CACNA1G: variants seen among roughly 807,000 people sequenced by gnomAD.
CACNA1G encodes calcium voltage-gated channel subunit alpha1 G.
CACNA1G carries 67 observed loss-of-function variants against 219.4 expected under a neutral mutation model. The observed-to-expected ratio is 0.31, with a 90% confidence interval of 0.25 to 0.37. The LOEUF (loss-of-function observed/expected upper bound fraction) is 0.37, where lower values mean the gene tolerates loss of function less well. Ranked by LOEUF, CACNA1G falls within the 10% of genes least tolerant of loss-of-function variation. CACNA1G has a pLI of 1.00. For synonymous variants in CACNA1G, 1,296 were observed against 1,345.3 expected (o/e 0.96, Z 0.80); for missense variants, 2,380 against 3,231.4 (o/e 0.74, Z 6.39).
intron 1 of CACNA1G, among the ~76,000 whole-genome samples, chr17:50,564,585 C>T (rs976696034): frequency 3.4e-4 from 51 of 151,664 alleles, no homozygotes; most frequent in Non-Finnish European, 6.3e-4. Flanking sequence ...AGTGACTGTG[C>T]GTCACTCTGT....
At chr17:50,579,392 C>A (rs2145033114) in intron 9 of CACNA1G, among the ~76,000 whole-genome samples, 1 of 152,178 alleles carries the variant, frequency 6.6e-6, no homozygotes, top group Admixed American at 6.5e-5. Flanking sequence ...GAAAGGGTAG[C>A]CTGGGGGACC....
intron 10 of CACNA1G, 49 bp downstream of exon 10, chr17:50,590,671 G>A: frequency 1.3e-6 from 2 of 1,580,408 alleles, no homozygotes; most frequent in Non-Finnish European, 1.7e-6. Context: ...TGGTAGCAGG[G>A]GTGGCTTGGG....
rs35688516 is a variant in CACNA1G at position 50,623,091 on chromosome 17, C to CTTTTT, written c.6061-798_6061-794dup. On this transcript the variant is annotated intron_variant, in intron 35 of 37. Coordinates refer to ENST00000359106, the MANE Select transcript of CACNA1G (RefSeq NM_018896.5). ...ACAGGGTCGTAGGGGCTGCTGTTGG[C>CTTTTT]TTTTTTTTTTTTTTTTTTTTTTGAG... is the stretch of plus-strand genomic sequence containing the variant. Among the ~76,000 whole-genome samples the CTTTTT allele has an allele frequency of 1.6e-3, 124 of 79,420 alleles. 4 individuals are homozygous for CTTTTT. Among genetic ancestry groups the CTTTTT allele is most frequent in the African/African-American group, 4.7e-3 (80 of 17,136 alleles). The allele number at this position is 79,420 out of a possible 152,430, so 52.1% of individuals were successfully genotyped here.
At chr17:50,592,599 C>T (rs772022076) in intron 13 of CACNA1G, among the ~76,000 whole-genome samples, 1 of 152,192 alleles carries the variant, frequency 6.6e-6, no homozygotes, top group Non-Finnish European at 1.5e-5. Flanking sequence ...CAGAGATGAG[C>T]GTCCTATTTC....
At position 50,599,409 on chromosome 17, in the gene CACNA1G, C is replaced by G; in HGVS notation, c.3259-19C>G. 1 of 1,522,388 alleles carries G rather than the reference C, an allele frequency of 6.6e-7. No individual in the cohort carries two copies. Among genetic ancestry groups the G allele is most frequent in the Non-Finnish European group, 8.8e-7 (1 of 1,135,142 alleles). The allele number at this position is 1,522,388 out of a possible 1,614,324, so 94.3% of individuals were successfully genotyped here. ...TGCTGGGCCCTGCCTGAGACCACTCCTCCCCTGCTCACCCACAGCCCAGCG... is the reference window on the plus strand; with the variant it reads ...TGCTGGGCCCTGCCTGAGACCACTCGTCCCCTGCTCACCCACAGCCCAGCG... On this transcript the variant is annotated intron_variant, in intron 16 of 37. Coordinates refer to ENST00000359106, the MANE Select transcript of CACNA1G (RefSeq NM_018896.5).
chr17:50,622,489 G>A (rs1046901318), intron 35 of CACNA1G, among the ~76,000 whole-genome samples: 6 of 152,104 alleles, frequency 3.9e-5, no homozygotes, highest in African/African-American at 7.2e-5. Flanking sequence ...CTGGACCACC[G>A]GCTGGGGTGT....
chr17:50,604,055 G>T (rs1350083848), intron 21 of CACNA1G, 100 bp from the exon 22 acceptor site: 4 of 1,258,248 alleles, frequency 3.2e-6, no homozygotes, highest in Non-Finnish European at 4.3e-6. Flanking sequence ...AGGCCAGGAA[G>T]GGACCAGTGG....
chr17:50,596,956 G>A lies in CACNA1G; in HGVS notation c.3258+33G>A. 1 of 1,488,772 alleles carries A rather than the reference G, an allele frequency of 6.7e-7. No individual in the cohort carries two copies. The highest frequency in any genetic ancestry group is 9.0e-7 in the Non-Finnish European group (1 of 1,113,816). 92.2% of individuals were successfully genotyped at this position (1,488,772 alleles called of 1,614,324 possible). On this transcript the variant is annotated intron_variant, in intron 16 of 37. Coordinates refer to ENST00000359106, the MANE Select transcript of CACNA1G (RefSeq NM_018896.5). This position sits in a 1 kb window ranked among gnomAD's most constrained non-coding sequence, Gnocchi z 4.8. ...GTGCATGTGGGTACCCTGATGGTGG[G>A]AGATATTCCAAGGAGGACAGGAGGA...
intron 36 of CACNA1G, 36 bp from the exon 37 acceptor site, chr17:50,624,324 T>TTCC: frequency 1.2e-4 from 146 of 1,177,462 alleles, no homozygotes; most frequent in South Asian, 2.9e-4. Context: ...CTCCATTCTC[T>TTCC]CCCCCCACCC....
At position 50,604,150 on chromosome 17, in the gene CACNA1G, C is replaced by T. The variant is rs369342340; in HGVS notation, c.4170-5C>T. The stretch of plus-strand genomic sequence containing the variant: ...CCTTATCACCTCCCTCCCTCCCCTC[C>T]CCAGGGTGATCAGCCGGGCGCAGGG... On this transcript the variant is annotated splice_polypyrimidine_tract_variant and splice_region_variant and intron_variant, in intron 21 of 37. Transcript: ENST00000359106. The T allele has an allele frequency of 1.2e-6, 2 of 1,612,824 alleles. No homozygotes were observed. Among genetic ancestry groups the T allele is most frequent in the Non-Finnish European group, 1.7e-6 (2 of 1,179,244 alleles).
At chr17:50,601,016 T>TC (rs1466333592) in intron 18 of CACNA1G, 35 bp from the exon 19 acceptor site, 1 of 1,606,832 alleles carries the variant, frequency 6.2e-7, no homozygotes, top group Admixed American at 1.7e-5. Context: ...CTGCCCTGCC[T>TC]CCCCCTCTCA....
chr17:50,612,865 A>G (rs905357703), intron 26 of CACNA1G, among the ~76,000 whole-genome samples: 2 of 152,206 alleles, frequency 1.3e-5, no homozygotes, highest in Non-Finnish European at 2.9e-5. Flanking sequence ...ACAGCTACCA[A>G]TGCATCAGTG....
chr17:50,601,204 C>A, intron 19 of CACNA1G, 30 bp downstream of exon 19: 1 of 1,612,162 alleles, frequency 6.2e-7, no homozygotes, highest in Non-Finnish European at 8.5e-7. Flanking sequence ...CAGGGCAAGG[C>A]CTCTCCTGGG....
intron 1 of CACNA1G, among the ~76,000 whole-genome samples, chr17:50,566,415 G>T (rs1403141836): frequency 2.0e-5 from 3 of 152,160 alleles, no homozygotes; most frequent in African/African-American, 7.2e-5. Flanking sequence ...GAGCTGTACA[G>T]GGTGGGCAGG....
At chr17:50,605,785 C>T (rs2047838242) in intron 22 of CACNA1G, 113 bp from the exon 23 acceptor site, 1 of 1,119,842 alleles carries the variant, frequency 8.9e-7, no homozygotes, top group Non-Finnish European at 1.3e-6. Context: ...CAGAGCAGAG[C>T]ACCCCACACT....
chr17:50,615,325 C>T, intron 26 of CACNA1G, 36 bp from the exon 27 acceptor site: 2 of 1,531,098 alleles, frequency 1.3e-6, no homozygotes, highest in Non-Finnish European at 8.9e-7. Context: ...GGGCAGGGGC[C>T]TGACGCTTGC....
At position 50,595,077 on chromosome 17, in the gene CACNA1G, T is replaced by C; in HGVS notation, c.2979+16T>C. On this transcript the variant is annotated intron_variant, in intron 14 of 37. Coordinates refer to ENST00000359106, the MANE Select transcript of CACNA1G (RefSeq NM_018896.5). The stretch of plus-strand genomic sequence containing the variant: ...CTCCCAGGGGGTAGGTACGCGATCA[T>C]GAGCCGGCATGCCTCCCGTGCCCCA... 1 of 1,548,164 alleles carries C rather than the reference T, an allele frequency of 6.5e-7. No homozygotes were observed. Among genetic ancestry groups the C allele is most frequent in the South Asian group, 1.2e-5 (1 of 84,038 alleles).
At position 50,627,415 on chromosome 17, in the gene CACNA1G, A is replaced by G. The variant is rs2053978313; in HGVS notation, c.*664A>G. 2.8e-6 allele frequency: 1 copy of G among 359,208 alleles called. No individual in the cohort carries two copies. The highest frequency in any genetic ancestry group is 5.4e-6 in the Non-Finnish European group (1 of 186,612). The allele number at this position is 359,208 out of a possible 1,614,324, so 22.3% of individuals were successfully genotyped here. A position where few individuals can be genotyped will look rare whatever the true frequency, so the allele number is the denominator to read the frequency against. ...ATGGAACCTTTTTATATATACATAC[A>G]TACATATCTATCTATCTATCTATAT... On this transcript the variant is annotated 3_prime_UTR_variant, in exon 38 of 38. Transcript: ENST00000359106.
chr17:50,572,631 G>T lies in CACNA1G; in HGVS notation c.824G>T (p.Arg275Leu). ...AGCCCCTTCATCTGCTCCCAGCCAC[G>T]CGAGAACGGCATGCGGTCCTGCAGA... ...DESPFICSQP[R>L]ENGMRSCRSV... The change falls in exon 6 of 38, where the codon CGC (arginine) becomes CTC (leucine). Residue 275 changes from arginine to leucine, a missense_variant. By Grantham distance (102) the Arg-to-Leu change is moderately radical. Around this residue, in one of 17 missense-constraint regions of CACNA1G, gnomAD observed 68 missense variants for 85.3 expected, o/e 0.80. Transcript: ENST00000359106. The T allele has an allele frequency of 6.3e-7, 1 of 1,598,496 alleles. No individual in the cohort carries two copies. Among genetic ancestry groups the T allele is most frequent in the Non-Finnish European group, 8.5e-7 (1 of 1,172,924 alleles).
Sources: gnomAD v4.1 joint callset for allele counts (sites outside exome capture counted in the v4.1 genomes callset) on GRCh38, gnomAD v4.1.1 for gene constraint, gnomAD v4.1.1 regional missense constraint, Gnocchi (gnomAD v3.1) non-coding constraint, MANE v1.5 for transcripts, NCBI Gene and HGNC (gene_info 2026-07-23, HGNC 2026-07-21) for gene names.